The following ADGRV1 variants were observed in gnomAD, a reference collection of about 807,000 sequenced individuals.
ADGRV1 encodes adhesion G protein-coupled receptor V1.
ADGRV1 carries 359 observed loss-of-function variants against 596.2 expected under a neutral mutation model. That is an observed-to-expected ratio of 0.60 (90% confidence interval 0.55 to 0.66). The LOEUF is 0.66. ADGRV1 is among the 30% of genes least tolerant of loss of function. ADGRV1 has a pLI of 0.00. For synonymous variants in ADGRV1, 2,681 were observed against 2,679.2 expected (o/e 1.00, Z -0.02); for missense variants, 7,274 against 7,575.6 (o/e 0.96, Z 1.48).
chr5:90,997,891 A>G (rs1033662329), intron 85 of ADGRV1, among the ~76,000 whole-genome samples: 1 of 152,164 alleles, frequency 6.6e-6, no homozygotes, highest in African/African-American at 2.4e-5. Flanking sequence ...GGGAAAATGC[A>G]TGTACAGTAC....
chr5:90,635,849 C>T (rs1309641077), intron 10 of ADGRV1, among the ~76,000 whole-genome samples: 1 of 151,832 alleles, frequency 6.6e-6, no homozygotes, highest in East Asian at 1.9e-4. Context: ...CCTCCCTTGG[C>T]CTTCCAAAGT....
At chr5:90,595,683 C>T (rs1168059294) in intron 1 of ADGRV1, among the ~76,000 whole-genome samples, 8 of 133,910 alleles carry the variant, frequency 6.0e-5, no homozygotes, top group East Asian at 2.3e-4. Flanking sequence ...ACCTCCCTCC[C>T]GGACGGGGCG....
At position 90,810,452 on chromosome 5, in the gene ADGRV1, T is replaced by G. The variant is rs1762334971; in HGVS notation, c.15192T>G (p.Phe5064Leu). ...AGCCTGTTCAGAATGGGGAACTGTT[T>G]TTTCAAAAATTCCAAACTGAGGTTG... ...DFEPVQNGEL[F>L]FQKFQTEVDF... is the part of the protein sequence containing the mutation. Residue 5064 changes from phenylalanine to leucine, a missense_variant, in exon 74 of 90, where the codon TTT becomes TTG. Physicochemically the swap from Phe to Leu is conservative, Grantham distance 22. Around this residue, in one of 5 missense-constraint regions of ADGRV1, gnomAD observed 1,874 missense variants for 1,970.2 expected, o/e 0.95. Transcript: ENST00000405460. The G allele has an allele frequency of 6.2e-7, 1 of 1,613,932 alleles. No homozygotes were observed.
chr5:90,651,584 C>T lies in ADGRV1; in HGVS notation c.3290-20C>T. 1 of 1,430,738 alleles carries T rather than the reference C, an allele frequency of 7.0e-7. No individual in the cohort carries two copies. The highest frequency in any genetic ancestry group is 9.5e-7 in the Non-Finnish European group (1 of 1,056,218). The allele number at this position is 1,430,738 out of a possible 1,614,324, so 88.6% of individuals were successfully genotyped here. ...GTTAGCTACTTCTTTGTTATTTTGT[C>T]TTTTCCACTTTTAATTTAGGTGATA... On this transcript the variant is annotated intron_variant, in intron 17 of 89. Coordinates refer to ENST00000405460, the MANE Select transcript of ADGRV1 (RefSeq NM_032119.4).
chr5:90,802,267 G>A (rs1761454557), intron 70 of ADGRV1, among the ~76,000 whole-genome samples: 1 of 152,204 alleles, frequency 6.6e-6, no homozygotes, highest in Non-Finnish European at 1.5e-5. Flanking sequence ...CCAGGCTGGA[G>A]TGCAGTGGCA....
At position 90,790,773 on chromosome 5, in the gene ADGRV1, ATT is replaced by A. The variant is rs141501365; in HGVS notation, c.14044-91_14044-90del. On this transcript the variant is annotated intron_variant, in intron 69 of 89. Transcript: ENST00000405460. The stretch of plus-strand genomic sequence containing the variant: ...TTTGAATATAGTGATGCACAATTAT[ATT>A]TTTTTTTTGTATATTATAGAGAAAA... 0.04 allele frequency: 27,192 copies of A among 674,004 alleles called. 2,119 individuals are homozygous for A. The highest frequency in any genetic ancestry group is 0.31 in the East Asian group (10,539 of 34,408). The allele number at this position is 674,004 out of a possible 1,614,324, so 41.8% of individuals were successfully genotyped here.
At chr5:90,629,118 A>C in intron 8 of ADGRV1, 92 bp from the exon 9 acceptor site, 1 of 681,240 alleles carries the variant, frequency 1.5e-6, no homozygotes, top group Non-Finnish European at 2.2e-6. Flanking sequence ...AATATTAATA[A>C]ATATTAAAAT....
chr5:90,629,674 G>GGGCCGGGCGCGGTGGCTCACGCCT, intron 9 of ADGRV1, 135 bp downstream of exon 9: 1 of 652,852 alleles, frequency 1.5e-6, no homozygotes, highest in Non-Finnish European at 2.6e-6. Flanking sequence ...AAGTTGTTTA[G>GGGCCGGGCGCGGTGGCTCACGCCT]GTAGTCGGAA....
intron 1 of ADGRV1, among the ~76,000 whole-genome samples, chr5:90,602,637 T>C (rs960092857): frequency 6.6e-6 from 1 of 152,088 alleles, no homozygotes; most frequent in African/African-American, 2.4e-5. Context: ...TCTGAGGAAA[T>C]GTCACAGCCA....
intron 83 of ADGRV1, among the ~76,000 whole-genome samples, chr5:90,956,260 T>C (rs1818351): frequency 0.75 from 113,864 of 151,952 alleles, 43,534 homozygotes; most frequent in African/African-American, 0.9. Context: ...GTATTCAGAC[T>C]ATGTATCAGT....
chr5:91,014,949 C>G (rs532941422), intron 85 of ADGRV1, among the ~76,000 whole-genome samples: 2 of 152,020 alleles, frequency 1.3e-5, no homozygotes, highest in South Asian at 2.1e-4. Context: ...TCTTGCTTCT[C>G]TAATATTTGA....
chr5:90,964,227 TA>T (rs1401038271), intron 83 of ADGRV1, among the ~76,000 whole-genome samples: 1 of 152,184 alleles, frequency 6.6e-6, no homozygotes, highest in African/African-American at 2.4e-5. Flanking sequence ...GTTTTTTTAA[TA>T]AATTCAAATA....
At chr5:90,878,936 T>C (rs939699222) in intron 83 of ADGRV1, among the ~76,000 whole-genome samples, 22 of 152,326 alleles carry the variant, frequency 1.4e-4, no homozygotes, top group African/African-American at 4.3e-4. Context: ...CTGGAACAAA[T>C]GGCAAGAGAA....
intron 83 of ADGRV1, among the ~76,000 whole-genome samples, chr5:90,921,908 C>A (rs1040535981): frequency 6.6e-6 from 1 of 151,648 alleles, no homozygotes; most frequent in African/African-American, 2.4e-5. Flanking sequence ...GTCATCCTTC[C>A]AGCCTGTGGG....
intron 86 of ADGRV1, among the ~76,000 whole-genome samples, chr5:91,099,907 A>G (rs1435434761): frequency 2.0e-5 from 3 of 152,208 alleles, no homozygotes; most frequent in Non-Finnish European, 4.4e-5. Flanking sequence ...TCTATCTACT[A>G]AGAGAGCTTA....
rs58713482 is a variant in ADGRV1, at chr5:90,910,551, TTATCTATCTATCTATCTATCTATCTATC to T, written c.17856+46718_17856+46745del. 3.3e-3 allele frequency among the ~76,000 whole-genome samples: 487 copies of T among 147,170 alleles called. 3 individuals are homozygous for T. The highest frequency in any genetic ancestry group is 0.01 in the African/African-American group (412 of 39,832). ...CTATGTTTAGTTTTATATATATATA[TTATCTATCTATCTATCTATCTATCTATC>T]TATCTATCTATCTATCTATCTATAC... On this transcript the variant is annotated intron_variant, in intron 83 of 89. Transcript: ENST00000405460.
At chr5:90,853,639 A>G in intron 80 of ADGRV1, 106 bp downstream of exon 80, 1 of 963,470 alleles carries the variant, frequency 1.0e-6, no homozygotes, top group Non-Finnish European at 1.5e-6. Flanking sequence ...AGTGCTACAC[A>G]TGGTGAACTA....
At chr5:90,601,455 T>G (rs1761400237) in intron 1 of ADGRV1, among the ~76,000 whole-genome samples, 1 of 152,212 alleles carries the variant, frequency 6.6e-6, no homozygotes, top group South Asian at 2.1e-4. Flanking sequence ...AGTAACTTGG[T>G]TTTCAATTTA....
intron 75 of ADGRV1, among the ~76,000 whole-genome samples, chr5:90,816,041 A>C (rs1762859392): frequency 6.6e-6 from 1 of 152,208 alleles, no homozygotes; most frequent in African/African-American, 2.4e-5. Context: ...TCCTGTGATG[A>C]AAACTTGGAG....
Sources: gnomAD v4.1 joint callset for allele counts (sites outside exome capture counted in the v4.1 genomes callset) on GRCh38, gnomAD v4.1.1 for gene constraint, gnomAD v4.1.1 regional missense constraint, MANE v1.5 for transcripts, NCBI Gene and HGNC (gene_info 2026-07-23, HGNC 2026-07-21) for gene names.